SESTD1: variants seen among roughly 807,000 people sequenced by gnomAD.
SESTD1 encodes SEC14 and spectrin domain containing 1.
In SESTD1, 43 loss-of-function variants were observed where a neutral mutation model predicts 101.7. That is an observed-to-expected ratio of 0.42 (90% CI 0.33 to 0.55). SESTD1 has a LOEUF of 0.55. Ranked by LOEUF, SESTD1 falls within the 20% of genes least tolerant of loss-of-function variation. SESTD1 has a pLI of 0.07. For missense variants in SESTD1, 647 were observed against 815.1 expected, an observed-to-expected ratio of 0.79 and a Z score of 2.51; for synonymous variants, 283 against 286.8, an observed-to-expected ratio of 0.99 and a Z score of 0.13.
chr2:179,191,367 G>C (rs1376211108), intron 2 of SESTD1, among the ~76,000 whole-genome samples: 2 of 152,094 alleles, frequency 1.3e-5, no homozygotes, highest in Non-Finnish European at 2.9e-5. Flanking sequence ...TTGTAAGAGG[G>C]AGCCAAACAT....
At position 179,124,306 on chromosome 2, in the gene SESTD1, G is replaced by A. The variant is rs979410101; in HGVS notation, c.1167+58C>T. 2.1e-5 allele frequency: 31 copies of A among 1,487,324 alleles called. No homozygotes were observed. In the East Asian group the frequency reaches 2.5e-4, roughly 12 times the overall value. The allele number at this position is 1,487,324 out of a possible 1,614,324, so 92.1% of individuals were successfully genotyped here. ...GGCATGCAAACCTGAAAAAAATTAC[G>A]TGTAGGTAAGTGTTCAGATAATTTG... On this transcript the variant is annotated intron_variant, in intron 11 of 17. Coordinates refer to ENST00000428443, the MANE Select transcript of SESTD1 (RefSeq NM_178123.5).
intron 1 of SESTD1, among the ~76,000 whole-genome samples, chr2:179,194,329 G>C (rs868223984): frequency 6.6e-6 from 1 of 152,098 alleles, no homozygotes; most frequent in African/African-American, 2.4e-5. Flanking sequence ...TGCTGCTCCA[G>C]GACGTGGCAA....
chr2:179,182,606 A>C (rs1011914988), intron 3 of SESTD1, among the ~76,000 whole-genome samples: 5 of 152,148 alleles, frequency 3.3e-5, no homozygotes, highest in African/African-American at 7.2e-5. Flanking sequence ...AAGAAATGTG[A>C]AAATTAAAGT....
Position 179,121,774 on chromosome 2 carries a change from G to T in SESTD1, c.1438C>A (p.Gln480Lys). ...TAATTAACGGTCAAACTTTGCCTTT[G>T]TTTTCTAAGCTGCATATCTTCCATC... ...GVMEDMQLRK[Q>K]RCEDMVDVRR... The change falls in exon 13 of 18, where the codon CAA becomes AAA. Residue 480 changes from glutamine to lysine, a missense_variant. Transcript: ENST00000428443. The T allele has an allele frequency of 6.4e-7, 1 of 1,558,884 alleles. No individual in the cohort carries two copies. Among genetic ancestry groups the T allele is most frequent in the Admixed American group, 2.1e-5 (1 of 47,854 alleles).
At chr2:179,247,234 T>A (rs964292010) in intron 1 of SESTD1, among the ~76,000 whole-genome samples, 27 of 152,072 alleles carry the variant, frequency 1.8e-4, no homozygotes, top group African/African-American at 6.3e-4. Context: ...TTTTTTTTTT[T>A]AATTCCAACT....
chr2:179,129,119 T>C (rs936934584), intron 10 of SESTD1, among the ~76,000 whole-genome samples: 1 of 152,208 alleles, frequency 6.6e-6, no homozygotes, highest in African/African-American at 2.4e-5. Context: ...TTAGGAGAAA[T>C]GAGTCTTGAT....
chr2:179,189,580 G>A (rs1225739167), intron 2 of SESTD1, among the ~76,000 whole-genome samples: 1 of 151,952 alleles, frequency 6.6e-6, no homozygotes, highest in East Asian at 1.9e-4. Flanking sequence ...GAACCATCAG[G>A]CAAGAAAAAG....
intron 1 of SESTD1, among the ~76,000 whole-genome samples, chr2:179,224,186 A>G (rs548771507): frequency 6.6e-6 from 1 of 152,326 alleles, no homozygotes; most frequent in East Asian, 1.9e-4. Context: ...CCAAATAAAA[A>G]TAACAATAAT....
In SESTD1 at chr2:179,104,457, AAAG is replaced by A. The variant is rs2044337278; in HGVS notation, c.*5439_*5441del. ...AAAAAGAATCTGTAACTGTAATAGAAAAGAAGTGAGGCTTGGTCATAAATAGTG... is the reference window on the plus strand; with the variant it reads ...AAAAAGAATCTGTAACTGTAATAGAAAAGTGAGGCTTGGTCATAAATAGTG... On this transcript the variant is annotated 3_prime_UTR_variant, in exon 18 of 18. Coordinates refer to ENST00000428443, the MANE Select transcript of SESTD1 (RefSeq NM_178123.5). 6.6e-6 allele frequency: 1 copy of A among 152,166 alleles called. No homozygotes were observed. Among genetic ancestry groups the A allele is most frequent in the Admixed American group, 6.6e-5 (1 of 15,266 alleles). 9.4% of individuals were successfully genotyped at this position (152,166 alleles called of 1,614,324 possible). A position where few individuals can be genotyped will look rare whatever the true frequency, so the allele number is the denominator to read the frequency against.
At chr2:179,110,319 AT>A (rs2044480077) in intron 17 of SESTD1, among the ~76,000 whole-genome samples, 1 of 152,194 alleles carries the variant, frequency 6.6e-6, no homozygotes, top group Non-Finnish European at 1.5e-5. Flanking sequence ...AACACTGGAA[AT>A]ATGTGGGTCC....
intron 11 of SESTD1, 50 bp downstream of exon 11, chr2:179,124,314 A>G: frequency 6.5e-7 from 1 of 1,543,172 alleles, no homozygotes; most frequent in Non-Finnish European, 8.8e-7. Context: ...ACGTGTAGGT[A>G]AGTGTTCAGA....
At chr2:179,246,840 T>C (rs886859417) in intron 1 of SESTD1, among the ~76,000 whole-genome samples, 2 of 152,192 alleles carry the variant, frequency 1.3e-5, no homozygotes, top group African/African-American at 4.8e-5. Context: ...AAGTAACATT[T>C]CTAAAAAATC....
At chr2:179,217,294 A>C (rs2046737077) in intron 1 of SESTD1, among the ~76,000 whole-genome samples, 2 of 152,206 alleles carry the variant, frequency 1.3e-5, no homozygotes, top group South Asian at 4.1e-4. Context: ...CAAGAAAAAA[A>C]CAACCCCATC....
chr2:179,140,569 T>A (rs1440000897), intron 9 of SESTD1, among the ~76,000 whole-genome samples: 2 of 152,234 alleles, frequency 1.3e-5, no homozygotes, highest in East Asian at 3.9e-4. Flanking sequence ...ACTTAGTCTG[T>A]TTGCTACGGC....
At chr2:179,226,811 T>C (rs2046892848) in intron 1 of SESTD1, among the ~76,000 whole-genome samples, 1 of 152,244 alleles carries the variant, frequency 6.6e-6, no homozygotes, top group Non-Finnish European at 1.5e-5. Flanking sequence ...TCTATTTGTT[T>C]GCCTAGGACA....
chr2:179,180,021 G>T (rs1166748933), intron 3 of SESTD1, among the ~76,000 whole-genome samples: 1 of 151,208 alleles, frequency 6.6e-6, no homozygotes, highest in Non-Finnish European at 1.5e-5. Context: ...ATTTTGTAAA[G>T]TATCACCACT....
rs564776792 is a variant in SESTD1 at position 179,138,154 on chromosome 2, T to C, written c.849+5438A>G. Among the ~76,000 whole-genome samples, 3 of 152,336 alleles carry C rather than the reference T, an allele frequency of 2.0e-5. No individual in the cohort carries two copies. The East Asian group carries it at 5.8e-4, about 29-fold the overall frequency. On this transcript the variant is annotated intron_variant, in intron 9 of 17. Coordinates refer to ENST00000428443, the MANE Select transcript of SESTD1 (RefSeq NM_178123.5). ...TACCAGTTTTTAACAGTAATCTCGT[T>C]ACCATCATCACCATCATTATAAATA...
In SESTD1 at chr2:179,112,757, T is replaced by C. The variant is rs751361454; in HGVS notation, c.1928A>G (p.Asp643Gly). 6.2e-7 allele frequency: 1 copy of C among 1,613,032 alleles called. No individual in the cohort carries two copies. The highest frequency in any genetic ancestry group is 8.5e-7 in the Non-Finnish European group (1 of 1,179,968). Reference sequence around the variant, plus strand: ...ATAAACTACTGGAACAGTTAATCTATCCAAAAGTGATTTCCCAACTGCTTC... The same window carrying C: ...ATAAACTACTGGAACAGTTAATCTACCCAAAAGTGATTTCCCAACTGCTTC... ...EIEAVGKSLL[D>G]RLTVPVVYPD... The change falls in exon 17 of 18, where the codon GAT becomes GGT. Residue 643 changes from aspartate (D) to glycine (G), a missense_variant. This residue lies in a region of SESTD1 where 476 missense variants were observed against 562.6 expected (regional missense o/e 0.85). Transcript: ENST00000428443.
intron 9 of SESTD1, 118 bp from the exon 10 acceptor site, chr2:179,132,544 A>G (rs2045035420): frequency 1.8e-6 from 2 of 1,120,332 alleles, no homozygotes; most frequent in Non-Finnish European, 1.2e-6. Context: ...AATTATTTAC[A>G]TTCTATCACA....
Sources: allele counts gnomAD v4.1 joint callset (sites outside exome capture counted in the v4.1 genomes callset), GRCh38; gene constraint gnomAD v4.1.1; regional missense constraint gnomAD v4.1.1; transcripts MANE v1.5; gene names NCBI Gene and HGNC (gene_info 2026-07-23, HGNC 2026-07-21).